The following RYR1 variants were observed in gnomAD, a reference collection of about 807,000 sequenced individuals.
RYR1 encodes central core disease of muscle.
Under a neutral mutation model 583.5 loss-of-function variants are expected in RYR1, and 342 were observed. The observed-to-expected ratio is 0.59, with a 90% CI of 0.54 to 0.64. The LOEUF (loss-of-function observed/expected upper bound fraction) is 0.64. RYR1 is among the 30% of genes least tolerant of loss of function. RYR1 has a pLI of 0.00. For synonymous variants in RYR1, 2,791 were observed against 2,822.5 expected, an observed-to-expected ratio of 0.99 and a Z score of 0.35; for missense variants, 6,032 against 6,917.2, an observed-to-expected ratio of 0.87 and a Z score of 4.54.
At chr19:38,532,799 A>G (rs1971801109) in intron 78 of RYR1, 63 bp downstream of exon 78, 5 of 1,516,426 alleles carry the variant, frequency 3.3e-6, no homozygotes, top group Non-Finnish European at 4.6e-6. Context: ...GTCATCTCCC[A>G]TTCATTCAGC....
intron 20 of RYR1, among the ~76,000 whole-genome samples, 159 bp from the exon 21 acceptor site, chr19:38,463,264 C>A (rs1303558728): frequency 2.6e-5 from 4 of 151,242 alleles, no homozygotes; most frequent in African/African-American, 9.7e-5. Context: ...AGTGTCAACC[C>A]TGGAGTCAAG....
At chr19:38,502,770 GGGGCAGGGGC>G (rs1970215462) in intron 48 of RYR1, 43 bp downstream of exon 48, 2 of 1,032,938 alleles carry the variant, frequency 1.9e-6, no homozygotes, top group Non-Finnish European at 2.7e-6. Flanking sequence ...GGCAGGGGCA[GGGGCAGGGGC>G]AGGGGCAGGG....
At chr19:38,437,687 G>T (rs1972486183) in intron 1 of RYR1, among the ~76,000 whole-genome samples, 1 of 152,036 alleles carries the variant, frequency 6.6e-6, no homozygotes, top group Non-Finnish European at 1.5e-5. Flanking sequence ...GTGGCAGTGT[G>T]CACCTGTAGT....
intron 63 of RYR1, among the ~76,000 whole-genome samples, chr19:38,514,165 C>T (rs1033983540): frequency 1.3e-5 from 2 of 151,890 alleles, no homozygotes; most frequent in South Asian, 2.1e-4. Flanking sequence ...CACAGTGGCT[C>T]GCACCTGTAA....
chr19:38,580,241 C>T, intron 100 of RYR1, 113 bp downstream of exon 100: 2 of 1,591,362 alleles, frequency 1.3e-6, no homozygotes, highest in South Asian at 2.2e-5. Flanking sequence ...GCCAGGTGCG[C>T]TGAGCCGGGG....
At position 38,519,432 on chromosome 19, in the gene RYR1, A is replaced by G; in HGVS notation, c.10237A>G (p.Ile3413Val). Residue 3413 changes from isoleucine to valine, a missense_variant, in exon 67 of 106, where the codon ATC becomes GTC. Physicochemically the swap from Ile to Val is conservative, Grantham distance 29. Coordinates refer to ENST00000359596, the MANE Select transcript of RYR1 (RefSeq NM_000540.3). ...CCTCTACGCCCTGTATCCGCTGCTCATCCGCTACGTGGACAACAACAGGTC... is the reference window on the plus strand; with the variant it reads ...CCTCTACGCCCTGTATCCGCTGCTCGTCCGCTACGTGGACAACAACAGGTC... ...RDLYALYPLLIRYVDNNRAQW... is the reference protein window; with the variant it reads ...RDLYALYPLLVRYVDNNRAQW... 1 of 1,599,612 alleles carries G rather than the reference A, an allele frequency of 6.3e-7. No homozygotes were observed. The highest frequency in any genetic ancestry group is 2.3e-5 in the East Asian group (1 of 43,686).
intron 16 of RYR1, 91 bp from the exon 17 acceptor site, chr19:38,457,406 C>T: frequency 1.9e-6 from 3 of 1,587,156 alleles, no homozygotes; most frequent in Non-Finnish European, 2.6e-6. Context: ...ATGCGCTGTC[C>T]TTTCCTCCTG....
Position 38,483,813 on chromosome 19 carries a change from C to T in RYR1, c.4934+297C>T, listed in dbSNP as rs1969139660. Among the ~76,000 whole-genome samples the T allele has an allele frequency of 6.6e-6, 1 of 152,016 alleles. No individual in the cohort carries two copies. The highest frequency in any genetic ancestry group is 6.6e-5 in the Admixed American group (1 of 15,262). On this transcript the variant is annotated intron_variant, in intron 33 of 105. Coordinates refer to ENST00000359596, the MANE Select transcript of RYR1 (RefSeq NM_000540.3). This position sits in a 1 kb window ranked among gnomAD's most constrained non-coding sequence, Gnocchi z 6.3. ...CCACTCCACAGGGCCCCAAACCCAT[C>T]TCAGGGAGCCAGACCCACATCAACA...
chr19:38,509,362 G>C (rs1048956050), intron 58 of RYR1, among the ~76,000 whole-genome samples: 1 of 152,054 alleles, frequency 6.6e-6, no homozygotes, highest in Non-Finnish European at 1.5e-5. Context: ...CAAGTTGTAA[G>C]GAGACTGTGT....
At chr19:38,494,228 G>A (rs747116498) in intron 38 of RYR1, 124 bp from the exon 39 acceptor site, 23 of 1,078,052 alleles carry the variant, frequency 2.1e-5, no homozygotes, top group Admixed American at 1.2e-4. Flanking sequence ...GGTGGAGGGC[G>A]CAGGTGGTAG....
At chr19:38,562,867 G>A (rs1464013280) in intron 90 of RYR1, among the ~76,000 whole-genome samples, 3 of 152,054 alleles carry the variant, frequency 2.0e-5, no homozygotes, top group Admixed American at 6.6e-5. Context: ...CCTGGCCCCC[G>A]GTGTCTCCTC....
chr19:38,579,930 C>T, intron 99 of RYR1, 52 bp from the exon 100 acceptor site: 2 of 1,612,932 alleles, frequency 1.2e-6, no homozygotes, highest in Non-Finnish European at 1.7e-6. Flanking sequence ...CTCCAGAGTG[C>T]TCCTCGTGTG....
At chr19:38,488,931 G>A (rs1189058007) in intron 34 of RYR1, among the ~76,000 whole-genome samples, 1 of 152,230 alleles carries the variant, frequency 6.6e-6, no homozygotes, top group Non-Finnish European at 1.5e-5. Context: ...CCTGTGATGG[G>A]AGAGGCACTC....
chr19:38,502,596 C>G lies in RYR1; in HGVS notation c.7704C>G (p.Leu2568=), dbSNP rs567574549. 1.9e-6 allele frequency: 3 copies of G among 1,612,918 alleles called. No homozygotes were observed. Among genetic ancestry groups the G allele is most frequent in the Non-Finnish European group, 2.5e-6 (3 of 1,179,932 alleles). Residue 2568 remains leucine, a synonymous_variant, in exon 48 of 106, where the codon CTC becomes CTG. Coordinates refer to ENST00000359596, the MANE Select transcript of RYR1 (RefSeq NM_000540.3). ...VLPLITKCAP[L]FAGTEHRAIM... ...CGCTCATCACCAAGTGTGCGCCGCT[C>G]TTTGCGGGCACAGAACACCGCGCCA...
chr19:38,576,951 T>G (rs1973982064), intron 97 of RYR1, among the ~76,000 whole-genome samples: 1 of 151,978 alleles, frequency 6.6e-6, no homozygotes, highest in African/African-American at 2.4e-5. Flanking sequence ...AGTGGCACAA[T>G]CTCAGCTCAC....
At chr19:38,527,121 A>G (rs1298311537) in intron 72 of RYR1, 69 bp downstream of exon 72, 3 of 1,552,722 alleles carry the variant, frequency 1.9e-6, no homozygotes, top group Non-Finnish European at 2.7e-6. Context: ...TGAAGGTTTG[A>G]GCATTTACCA....
rs1447206888 is a variant in RYR1 at position 38,485,921 on chromosome 19, G to A, written c.5266G>A (p.Gly1756Ser). The part of the protein sequence containing the change: ...LFPPGRSTEN[G>S]HPRHGLPGVG... ...CCCTCCTGGAAGGAGCACAGAAAAT[G>A]GTCACCCCCGGCATGGCCTGCCGGG... The change falls in exon 34 of 106, where the codon GGT becomes AGT. Residue 1756 changes from glycine (G) to serine (S), a missense_variant. This residue lies in a region of RYR1 where 2,627 missense variants were observed against 2,961.3 expected (regional missense o/e 0.89). Coordinates refer to ENST00000359596, the MANE Select transcript of RYR1 (RefSeq NM_000540.3). The A allele has an allele frequency of 6.2e-7, 1 of 1,613,750 alleles. No homozygotes were observed. The highest frequency in any genetic ancestry group is 1.1e-5 in the South Asian group (1 of 91,086).
intron 91 of RYR1, among the ~76,000 whole-genome samples, chr19:38,566,509 C>T (rs971353531): frequency 6.7e-6 from 1 of 150,246 alleles, no homozygotes; most frequent in Admixed American, 6.6e-5. Flanking sequence ...AAAAAAGTCC[C>T]GAGACAGGGT....
chr19:38,434,359 G>A (rs369777901), intron 1 of RYR1, among the ~76,000 whole-genome samples: 1 of 152,186 alleles, frequency 6.6e-6, no homozygotes, highest in Non-Finnish European at 1.5e-5. Flanking sequence ...AGGGTCTTGT[G>A]GGGGAGGGAT....
Sources: allele counts gnomAD v4.1 joint callset (sites outside exome capture counted in the v4.1 genomes callset), GRCh38; gene constraint gnomAD v4.1.1; regional missense constraint gnomAD v4.1.1; non-coding constraint Gnocchi (gnomAD v3.1); transcripts MANE v1.5; gene names NCBI Gene and HGNC (gene_info 2026-07-23, HGNC 2026-07-21).